ZFAT: variants seen among roughly 807,000 people sequenced by gnomAD.
ZFAT encodes the protein zinc finger protein ZFAT.
ZFAT carries 64 observed loss-of-function variants against 117.7 expected under a neutral mutation model. That is an observed-to-expected ratio of 0.54 (90% confidence interval 0.44 to 0.67). The LOEUF (loss-of-function observed/expected upper bound fraction) is 0.67. Ranked by LOEUF, ZFAT falls within the 30% of genes least tolerant of loss-of-function variation. The pLI is 0.00. For missense variants in ZFAT, 1,433 were observed against 1,584.5 expected, an observed-to-expected ratio of 0.90 and a Z score of 1.62; for synonymous variants, 679 against 615.0, an observed-to-expected ratio of 1.10 and a Z score of -1.54.
rs558472448 is a variant in ZFAT at position 134,592,633 on chromosome 8, G to A, written c.2476-2278C>T. On this transcript the variant is annotated intron_variant, in intron 7 of 15. Coordinates refer to ENST00000377838, the MANE Select transcript of ZFAT (RefSeq NM_020863.4). ...TGTTTAGAATTGAGCCTCTCCTATA[G>A]TGAGTGCTCAATAAATCTGAAAGAC... is the stretch of plus-strand genomic sequence containing the variant. 2.8e-4 allele frequency among the ~76,000 whole-genome samples: 42 copies of A among 152,294 alleles called. 1 individual carries two copies. The South Asian group carries it at 3.7e-3, about 14-fold the overall frequency.
At chr8:134,525,687 C>T (rs796315881) in intron 12 of ZFAT, among the ~76,000 whole-genome samples, 39 of 152,318 alleles carry the variant, frequency 2.6e-4, no homozygotes, top group African/African-American at 8.7e-4. Flanking sequence ...GGCCAACCTG[C>T]CAGCCACATG....
In ZFAT at chr8:134,512,568, G is replaced by C. The variant is rs931348518; in HGVS notation, c.3268C>G (p.Gln1090Glu). 7 of 1,613,786 alleles carry C rather than the reference G, an allele frequency of 4.3e-6. No individual in the cohort carries two copies. The African/African-American group carries it at 8.0e-5, about 18-fold the overall frequency. Residue 1090 changes from glutamine (Q) to glutamate (E), a missense_variant, in exon 14 of 16, where the codon CAG becomes GAG. Physicochemically the swap from Gln to Glu is conservative, Grantham distance 29. Around this residue, in one of 5 missense-constraint regions of ZFAT, gnomAD observed 503 missense variants for 543.4 expected, o/e 0.93. Transcript: ENST00000377838. Reference protein sequence around the residue: ...ATEAPEEPSTQYLHITEAEED... With the variant: ...ATEAPEEPSTEYLHITEAEED... Reference sequence around the variant, plus strand: ...TCGGCCTCTGTGATGTGGAGATACTGGGTGGAGGGCTCCTCAGGAGCTTCT... The same window carrying C: ...TCGGCCTCTGTGATGTGGAGATACTCGGTGGAGGGCTCCTCAGGAGCTTCT...
chr8:134,500,179 C>T (rs1325478130), intron 15 of ZFAT, among the ~76,000 whole-genome samples: 1 of 152,230 alleles, frequency 6.6e-6, no homozygotes, highest in Non-Finnish European at 1.5e-5. Context: ...CAGGGTGAAG[C>T]TGCCTGGAGG....
chr8:134,681,714 T>A (rs1014132836), intron 1 of ZFAT, among the ~76,000 whole-genome samples: 8 of 152,194 alleles, frequency 5.3e-5, no homozygotes, highest in African/African-American at 1.9e-4. Flanking sequence ...AAATTATCTA[T>A]CTTATGAGGA....
intron 10 of ZFAT, among the ~76,000 whole-genome samples, chr8:134,581,474 T>C (rs558209780): frequency 5.3e-5 from 8 of 152,304 alleles, no homozygotes; most frequent in African/African-American, 1.7e-4. Flanking sequence ...CATTTCTTTA[T>C]TTTGCGACGT....
chr8:134,669,782 G>A (rs1205239246), intron 1 of ZFAT, among the ~76,000 whole-genome samples: 2 of 152,172 alleles, frequency 1.3e-5, no homozygotes, highest in Non-Finnish European at 2.9e-5. Flanking sequence ...TGGGCTAAAT[G>A]CTCCAATTAA....
chr8:134,728,212 G>A, the ZFAT span, among the ~76,000 whole-genome samples: 293 of 152,020 alleles, frequency 1.9e-3, no homozygotes, highest in Middle Eastern at 3.4e-3. Flanking sequence ...GACTGGTCTC[G>A]GTGGCTATTG....
At chr8:134,635,510 C>T (rs765033670) in intron 3 of ZFAT, among the ~76,000 whole-genome samples, 1 of 152,168 alleles carries the variant, frequency 6.6e-6, no homozygotes, top group South Asian at 2.1e-4. Flanking sequence ...AAACTACAGA[C>T]AGCAGAGCTG....
chr8:134,792,532 C>T, the ZFAT span: 2 of 152,156 alleles, frequency 1.3e-5, no homozygotes, highest in Non-Finnish European at 2.9e-5. Context: ...AATAAAATTT[C>T]TAGCAGTAAA....
intron 3 of ZFAT, among the ~76,000 whole-genome samples, chr8:134,621,821 T>A (rs1397119051): frequency 6.6e-6 from 1 of 152,190 alleles, no homozygotes; most frequent in Non-Finnish European, 1.5e-5. Flanking sequence ...TTAAAACTAC[T>A]GAATTAAGAG....
the ZFAT span, among the ~76,000 whole-genome samples, chr8:134,728,058 C>T: frequency 3.9e-5 from 6 of 152,254 alleles, no homozygotes; most frequent in East Asian, 9.6e-4. Flanking sequence ...CAGAGGAGTA[C>T]CTGAAATCTA....
rs1005526067 is a variant in ZFAT, at chr8:134,688,139, G to C, written c.19+24706C>G. ...GGGGTGTTATGTAGGGGAATACTGG[G>C]AAAAAAGGGCTTTGTAGACTGCTAA... On this transcript the variant is annotated intron_variant, in intron 1 of 15. Transcript: ENST00000377838. Among the ~76,000 whole-genome samples the C allele has an allele frequency of 7.2e-5, 11 of 151,956 alleles. 1 individual carries two copies. Among genetic ancestry groups the C allele is most frequent in the Admixed American group, 2.6e-4 (4 of 15,274 alleles).
intron 1 of ZFAT, among the ~76,000 whole-genome samples, chr8:134,660,388 A>T (rs1831864617): frequency 6.6e-6 from 1 of 152,230 alleles, no homozygotes; most frequent in East Asian, 1.9e-4. Context: ...TACAGCAAAG[A>T]GCGTAATCCC....
chr8:134,792,156 G>A, the ZFAT span: 1 of 152,328 alleles, frequency 6.6e-6, no homozygotes, highest in Admixed American at 6.5e-5. Context: ...ATTCTCATAG[G>A]TAATGAAGCT....
the ZFAT span, among the ~76,000 whole-genome samples, chr8:134,779,668 G>A: frequency 1.3e-5 from 2 of 152,098 alleles, no homozygotes; most frequent in Admixed American, 6.6e-5. Context: ...GACAAAAAAT[G>A]TATAAGTATC....
intron 1 of ZFAT, among the ~76,000 whole-genome samples, chr8:134,697,508 A>G (rs1833898118): frequency 6.7e-6 from 1 of 149,704 alleles, no homozygotes; most frequent in Non-Finnish European, 1.5e-5. Flanking sequence ...TGGGCGGATC[A>G]CGAAATCAGG....
intron 11 of ZFAT, among the ~76,000 whole-genome samples, chr8:134,547,907 C>CA (rs1270892353): frequency 9.9e-5 from 15 of 152,170 alleles, no homozygotes; most frequent in Non-Finnish European, 1.6e-4. Flanking sequence ...AAAGCACTTA[C>CA]ACATGTTTTA....
chr8:134,693,058 T>A (rs1424946566), intron 1 of ZFAT, among the ~76,000 whole-genome samples: 1 of 152,224 alleles, frequency 6.6e-6, no homozygotes, highest in Non-Finnish European at 1.5e-5. Context: ...TGAATTTAGA[T>A]ACATGTATGT....
At chr8:134,752,695 A>G in the ZFAT span, among the ~76,000 whole-genome samples, 2 of 152,096 alleles carry the variant, frequency 1.3e-5, no homozygotes, top group Non-Finnish European at 2.9e-5. Context: ...GGCAGGTTTG[A>G]TGTCTGGTGA....
Sources: allele counts gnomAD v4.1 joint callset (sites outside exome capture counted in the v4.1 genomes callset), GRCh38; gene constraint gnomAD v4.1.1; regional missense constraint gnomAD v4.1.1; transcripts MANE v1.5; gene names NCBI Gene and HGNC (gene_info 2026-07-23, HGNC 2026-07-21).